Variants in STX4 observed in about 807,000 individuals in gnomAD.
The protein encoded by STX4 is syntaxin 4.
STX4 carries 24 observed loss-of-function variants against 41.8 expected under a neutral mutation model. That is an observed-to-expected ratio of 0.57 (90% confidence interval 0.42 to 0.81). STX4 has a LOEUF of 0.81. Ranked by LOEUF, STX4 falls within the 30% of genes least tolerant of loss-of-function variation. STX4 has a pLI of 0.00. For synonymous variants in STX4, 158 were observed against 156.4 expected (o/e 1.01, Z -0.08); for missense variants, 316 against 389.9 (o/e 0.81, Z 1.60).
At chr16:31,038,059 C>G (rs987618772) in intron 6 of STX4, 25 bp downstream of exon 6, 15 of 1,614,166 alleles carry the variant, frequency 9.3e-6, no homozygotes, top group Non-Finnish European at 9.3e-6. Context: ...CCCAGCCTGG[C>G]CCGCAGGGGC....
In STX4 at chr16:31,034,084, G is replaced by A. The variant is rs751486627; in HGVS notation, c.102G>A (p.Leu34=). 2 of 1,609,864 alleles carry A rather than the reference G, an allele frequency of 1.2e-6. No individual in the cohort carries two copies. The highest frequency in any genetic ancestry group is 1.7e-6 in the Non-Finnish European group (2 of 1,177,404). The change falls in exon 2 of 11, where the codon CTG becomes CTA. Residue 34 remains leucine (L), a synonymous_variant. Coordinates refer to ENST00000313843, the MANE Select transcript of STX4 (RefSeq NM_004604.5). The part of the protein sequence containing the change: ...ALVVHPGTAR[L]GSPDEEFFHK... ...TGGTGCACCCGGGCACGGCACGGCT[G>A]GGGAGCCCGGACGAGGAGTTCTTCC...
In STX4 at chr16:31,039,771, G is replaced by A. The variant is rs890878699; in HGVS notation, c.862G>A (p.Ala288Thr). The change falls in exon 10 of 11, where the codon GCA becomes ACA. Residue 288 changes from alanine to threonine, a missense_variant. Physicochemically the swap from Ala to Thr is moderately conservative, Grantham distance 58. Transcript: ENST00000313843. The surrounding 1 kb of genome is among the most constrained non-coding windows in gnomAD (Gnocchi z 4.1). ...TGTGTCCATCACCGTCGTCCTCCTA[G>A]CAGTCATCATTGGCGTCACAGTGGT... ...ICVSITVVLL[A>T]VIIGVTVVG is the part of the protein sequence containing the mutation. 1 of 1,614,200 alleles carries A rather than the reference G, an allele frequency of 6.2e-7. No homozygotes were observed. Among genetic ancestry groups the A allele is most frequent in the Non-Finnish European group, 8.5e-7 (1 of 1,180,024 alleles).
At chr16:31,034,636 A>T (rs2056786216) in intron 4 of STX4, 100 bp downstream of exon 4, 2 of 1,326,170 alleles carry the variant, frequency 1.5e-6, no homozygotes, top group Admixed American at 2.9e-5. Flanking sequence ...TGATATATCC[A>T]GGTCACACAG....
In STX4 at chr16:31,034,303, G is replaced by A. The variant is rs2056782123; in HGVS notation, c.210G>A (p.Leu70=). ...TGGAGAAACAGCAGGTCACCATCCT[G>A]GCCACGCCCCTTCCCGAGGAGAGTG... ...QELEKQQVTI[L]ATPLPEESMK... is the part of the protein sequence containing the mutation. Residue 70 remains leucine (L), a synonymous_variant, in exon 3 of 11, where the codon CTG becomes CTA. Coordinates refer to ENST00000313843, the MANE Select transcript of STX4 (RefSeq NM_004604.5). The A allele has an allele frequency of 6.2e-7, 1 of 1,614,200 alleles. No individual in the cohort carries two copies. Among genetic ancestry groups the A allele is most frequent in the Non-Finnish European group, 8.5e-7 (1 of 1,180,036 alleles).
In STX4 at chr16:31,037,064, C is replaced by CCT. The variant is rs1491425907; in HGVS notation, c.379-862_379-861insCT. Among the ~76,000 whole-genome samples the CCT allele has an allele frequency of 2.9e-3, 360 of 122,232 alleles. 11 individuals carry two copies. The highest frequency in any genetic ancestry group is 4.4e-3 in the Middle Eastern group (1 of 228). The allele number at this position is 122,232 out of a possible 152,430, so 80.2% of individuals were successfully genotyped here. Reference sequence around the variant, plus strand: ...GGGCAATATAGTGAGACCCCCCCCCCTTTTTTTTTTTTCCTTTGAGACAGG... The same window carrying CCT: ...GGGCAATATAGTGAGACCCCCCCCCCCTTTTTTTTTTTTTCCTTTGAGACAGG... On this transcript the variant is annotated intron_variant, in intron 5 of 10. Coordinates refer to ENST00000313843, the MANE Select transcript of STX4 (RefSeq NM_004604.5).
chr16:31,037,858 G>C lies in STX4; in HGVS notation c.379-68G>C, dbSNP rs917067594. 5.9e-6 allele frequency: 9 copies of C among 1,516,182 alleles called. No individual in the cohort carries two copies. In the Admixed American group the frequency reaches 1.0e-4, roughly 17 times the overall value. 93.9% of individuals were successfully genotyped at this position (1,516,182 alleles called of 1,614,324 possible). A position where few individuals can be genotyped will look rare whatever the true frequency, so the allele number is the denominator to read the frequency against. On this transcript the variant is annotated intron_variant, in intron 5 of 10. Coordinates refer to ENST00000313843, the MANE Select transcript of STX4 (RefSeq NM_004604.5). The stretch of plus-strand genomic sequence containing the variant: ...CATGCTATTTGCTCACTGTACTATG[G>C]GGTTGCCGAGGCACCGACCGGGCAG...
In STX4 at chr16:31,038,066, G is replaced by A. The variant is rs746684393; in HGVS notation, c.487+32G>A. The A allele has an allele frequency of 5.6e-6, 9 of 1,614,162 alleles. No homozygotes were observed. In the South Asian group the frequency reaches 8.8e-5, roughly 16 times the overall value. ...TGTGCATGCCCAGCCTGGCCCGCAGGGGCAGGTAATCCCAACCCAACCCTG... is the reference window on the plus strand; with the variant it reads ...TGTGCATGCCCAGCCTGGCCCGCAGAGGCAGGTAATCCCAACCCAACCCTG... On this transcript the variant is annotated intron_variant, in intron 6 of 10. Transcript: ENST00000313843.
At chr16:31,034,600 G>A (rs1023205454) in intron 4 of STX4, 64 bp downstream of exon 4, 2 of 1,467,592 alleles carry the variant, frequency 1.4e-6, no homozygotes, top group African/African-American at 2.8e-5. Context: ...GGTATATCTG[G>A]GGAGTGTGTG....
intron 7 of STX4, 66 bp from the exon 8 acceptor site, chr16:31,038,444 A>C (rs951098793): frequency 1.4e-5 from 23 of 1,595,110 alleles, no homozygotes; most frequent in Non-Finnish European, 1.8e-5. Context: ...CAGAAGCTCA[A>C]CAGGAGTTTC....
Position 31,034,334 on chromosome 16 carries a change from AACCCC to A in STX4, c.232+10_232+14del. 3 of 1,614,036 alleles carry A rather than the reference AACCCC, an allele frequency of 1.9e-6. No individual in the cohort carries two copies. Among genetic ancestry groups the A allele is most frequent in the Non-Finnish European group, 2.5e-6 (3 of 1,179,944 alleles). ...GCCCCTTCCCGAGGAGAGTGAGTGA[AACCCC>A]GGCTGCAGGGCGCATGCTCCGCCCC... On this transcript the variant is annotated intron_variant, in intron 3 of 10. Transcript: ENST00000313843.
chr16:31,034,628 A>G, intron 4 of STX4, 92 bp downstream of exon 4: 31 of 1,386,098 alleles, frequency 2.2e-5, no homozygotes, highest in Non-Finnish European at 2.9e-5. Context: ...GAAGCCAGTG[A>G]TATATCCAGG....
intron 7 of STX4, 73 bp from the exon 8 acceptor site, chr16:31,038,437 A>G: frequency 6.3e-7 from 1 of 1,591,038 alleles, no homozygotes; most frequent in Non-Finnish European, 8.6e-7. Flanking sequence ...GGCTCCCCAG[A>G]AGCTCAACAG....
upstream of STX4, chr16:31,033,437 G>C (rs757237247): frequency 1.5e-4 from 225 of 1,519,270 alleles, 1 homozygote; most frequent in Non-Finnish European, 3.7e-5. The surrounding 1 kb of genome is among the most constrained non-coding windows in gnomAD (Gnocchi z 5.5). Context: ...GCAAGTTCTC[G>C]CGTCCAGGCA....
In STX4 at chr16:31,033,765, C is replaced by A; in HGVS notation, c.-41C>A. 2 of 1,450,992 alleles carry A rather than the reference C, an allele frequency of 1.4e-6. No individual in the cohort carries two copies. The highest frequency in any genetic ancestry group is 1.8e-6 in the Non-Finnish European group (2 of 1,099,922). The allele number at this position is 1,450,992 out of a possible 1,614,324, so 89.9% of individuals were successfully genotyped here. ...GGTACGGGAATTCCAAATTTGAGGGCCTCCCGGCTCTGGCGCCGGGGAGGG... is the reference window on the plus strand; with the variant it reads ...GGTACGGGAATTCCAAATTTGAGGGACTCCCGGCTCTGGCGCCGGGGAGGG... On this transcript the variant is annotated 5_prime_UTR_variant, in exon 1 of 11. Transcript: ENST00000313843. The surrounding 1 kb of genome is among the most constrained non-coding windows in gnomAD (Gnocchi z 5.5).
chr16:31,037,054 A>ACCCCCCCC (rs35642358), intron 5 of STX4, among the ~76,000 whole-genome samples: 1 of 101,132 alleles, frequency 9.9e-6, no homozygotes, highest in Non-Finnish European at 2.1e-5. Context: ...ATATAGTGAG[A>ACCCCCCCC]CCCCCCCCCC....
chr16:31,038,728 C>T (rs763289539), intron 8 of STX4, 81 bp downstream of exon 8: 100 of 1,549,830 alleles, frequency 6.5e-5, no homozygotes, highest in Non-Finnish European at 8.4e-5. Flanking sequence ...GATTCTCTCC[C>T]TGAGGCTTTT....
In STX4 at chr16:31,034,293, T is replaced by C; in HGVS notation, c.200T>C (p.Val67Ala). Residue 67 changes from valine (V) to alanine (A), a missense_variant, in exon 3 of 11, where the codon GTC becomes GCC. Transcript: ENST00000313843. ...GTCCAGGAGTTGGAGAAACAGCAGG[T>C]CACCATCCTGGCCACGCCCCTTCCC... ...NKVQELEKQQ[V>A]TILATPLPEE... The C allele has an allele frequency of 6.2e-6, 10 of 1,614,062 alleles. No individual in the cohort carries two copies. Among genetic ancestry groups the C allele is most frequent in the South Asian group, 1.1e-5 (1 of 91,074 alleles).
rs754243197 is a variant in STX4 at position 31,033,680 on chromosome 16, C to T, written c.-126C>T. 8 of 1,407,240 alleles carry T rather than the reference C, an allele frequency of 5.7e-6. No homozygotes were observed. Among genetic ancestry groups the T allele is most frequent in the Non-Finnish European group, 7.4e-6 (8 of 1,080,162 alleles). The allele number at this position is 1,407,240 out of a possible 1,614,324, so 87.2% of individuals were successfully genotyped here. On this transcript the variant is annotated 5_prime_UTR_variant, in exon 1 of 11. Transcript: ENST00000313843. This position sits in a 1 kb window ranked among gnomAD's most constrained non-coding sequence, Gnocchi z 5.5. ...GCGGTGCAAGGGACGGAGCCTCTGG[C>T]GGCTCGTGGGGGTGTTGGGGTCCGC...
At chr16:31,038,474 C>T in intron 7 of STX4, 36 bp from the exon 8 acceptor site, 11 of 1,612,884 alleles carry the variant, frequency 6.8e-6, no homozygotes, top group Non-Finnish European at 9.3e-6. Context: ...GTCGGTCTCC[C>T]TGTGAACAGT....
Sources: gnomAD v4.1 joint callset for allele counts (sites outside exome capture counted in the v4.1 genomes callset) on GRCh38, gnomAD v4.1.1 for gene constraint, Gnocchi (gnomAD v3.1) non-coding constraint, MANE v1.5 for transcripts, NCBI Gene and HGNC (gene_info 2026-07-23, HGNC 2026-07-21) for gene names.